The following NCOR1 variants were observed in gnomAD, a reference collection of about 807,000 sequenced individuals.
NCOR1 encodes nuclear receptor corepressor 1.
In NCOR1, 63 loss-of-function variants were observed where a neutral mutation model predicts 288.1. The observed-to-expected ratio is 0.22, with a 90% confidence interval of 0.18 to 0.27. NCOR1 has a LOEUF of 0.27. NCOR1 is among the 10% of genes least tolerant of loss of function. The pLI, the probability that NCOR1 is intolerant of heterozygous loss-of-function variation, is 1.00. For synonymous variants in NCOR1, 1,007 were observed against 1,065.9 expected, an observed-to-expected ratio of 0.94 and a Z score of 1.08; for missense variants, 2,397 against 3,019.2, an observed-to-expected ratio of 0.79 and a Z score of 4.83.
At position 16,067,777 on chromosome 17, in the gene NCOR1, T is replaced by C. The variant is rs1415502403; in HGVS notation, c.4741+117A>G. 7.0e-6 allele frequency: 7 copies of C among 1,000,088 alleles called. No individual in the cohort carries two copies. In the Admixed American group the frequency reaches 2.0e-4, roughly 29 times the overall value. 62.0% of individuals were successfully genotyped at this position (1,000,088 alleles called of 1,614,324 possible). A position where few individuals can be genotyped will look rare whatever the true frequency, so the allele number is the denominator to read the frequency against. Reference sequence around the variant, plus strand: ...GAGAATTTAGTTTGTGAAAATTCACTGAGCTGTACATTAATGATATTTGCA... The same window carrying C: ...GAGAATTTAGTTTGTGAAAATTCACCGAGCTGTACATTAATGATATTTGCA... On this transcript the variant is annotated intron_variant, in intron 32 of 45. Coordinates refer to ENST00000268712, the MANE Select transcript of NCOR1 (RefSeq NM_006311.4).
At chr17:16,072,374 G>T (rs376587059) in intron 28 of NCOR1, 146 bp from the exon 29 acceptor site, 43 of 518,260 alleles carry the variant, frequency 8.3e-5, no homozygotes, top group African/African-American at 8.0e-4. Flanking sequence ...CTATCCAGAA[G>T]TACCTAATAT....
Position 16,159,841 on chromosome 17 carries a change from C to CTT in NCOR1, c.619-970_619-969dup, listed in dbSNP as rs776625584. ...AACCTTTCTGGGTCCTTAGGTCAATCTTTTTTTTTTTTTTTGAGATGGAGT... is the reference window on the plus strand; with the variant it reads ...AACCTTTCTGGGTCCTTAGGTCAATCTTTTTTTTTTTTTTTTTGAGATGGAGT... On this transcript the variant is annotated intron_variant, in intron 5 of 45. Coordinates refer to ENST00000268712, the MANE Select transcript of NCOR1 (RefSeq NM_006311.4). Among the ~76,000 whole-genome samples the CTT allele has an allele frequency of 5.0e-3, 707 of 141,804 alleles. 7 individuals are homozygous for CTT. Among genetic ancestry groups the CTT allele is most frequent in the African/African-American group, 0.017 (657 of 38,762 alleles). The allele number at this position is 141,804 out of a possible 152,430, so 93.0% of individuals were successfully genotyped here. A position where few individuals can be genotyped will look rare whatever the true frequency, so the allele number is the denominator to read the frequency against.
intron 1 of NCOR1, among the ~76,000 whole-genome samples, chr17:16,203,056 C>T (rs1402031586): frequency 6.6e-6 from 1 of 151,732 alleles, no homozygotes; most frequent in Non-Finnish European, 1.5e-5. Flanking sequence ...CACACACACA[C>T]ACACACACAC....
intron 2 of NCOR1, among the ~76,000 whole-genome samples, chr17:16,190,106 T>C (rs2087803527): frequency 6.6e-6 from 1 of 152,144 alleles, no homozygotes; most frequent in Non-Finnish European, 1.5e-5. Flanking sequence ...GGTTCAAACC[T>C]ATAGTCCCAG....
At chr17:16,126,692 C>T (rs1300273320) in intron 14 of NCOR1, among the ~76,000 whole-genome samples, 1 of 151,986 alleles carries the variant, frequency 6.6e-6, no homozygotes, top group African/African-American at 2.4e-5. Context: ...CAGCTATGGT[C>T]GTTACTAAGA....
intron 1 of NCOR1, among the ~76,000 whole-genome samples, chr17:16,213,016 G>A (rs2092274414): frequency 6.9e-6 from 1 of 143,990 alleles, no homozygotes; most frequent in Non-Finnish European, 1.5e-5. Flanking sequence ...AGGCTGCAGC[G>A]AGCCACTGTA....
intron 1 of NCOR1, chr17:16,198,040 C>T (rs1358850494): frequency 1.3e-5 from 2 of 151,956 alleles, no homozygotes; most frequent in African/African-American, 4.8e-5. Context: ...ACACACTGTT[C>T]TGTATCTTGC....
chr17:16,122,183 T>C (rs563252031), intron 15 of NCOR1, among the ~76,000 whole-genome samples: 1 of 152,334 alleles, frequency 6.6e-6, no homozygotes, highest in East Asian at 1.9e-4. Context: ...AAGACCATTT[T>C]CTGTACTACT....
intron 28 of NCOR1, 25 bp downstream of exon 28, chr17:16,073,404 T>C (rs201608686): frequency 3.1e-5 from 47 of 1,540,438 alleles, no homozygotes; most frequent in Non-Finnish European, 4.0e-5. Flanking sequence ...TGTATCAAAA[T>C]AACATTCTGA....
chr17:16,113,261 A>T (rs918787927), intron 18 of NCOR1, among the ~76,000 whole-genome samples: 1 of 152,080 alleles, frequency 6.6e-6, no homozygotes, highest in African/African-American at 2.4e-5. Flanking sequence ...CAAAAAAAAA[A>T]AAATGACTTA....
At chr17:16,118,628 ATC>A (rs2072276492) in intron 17 of NCOR1, among the ~76,000 whole-genome samples, 1 of 152,226 alleles carries the variant, frequency 6.6e-6, no homozygotes, top group Admixed American at 6.5e-5. Context: ...AAGAATATGT[ATC>A]TATGCATTTG....
chr17:16,064,145 T>C lies in NCOR1; in HGVS notation c.5144A>G (p.Glu1715Gly). Residue 1715 changes from glutamate (E) to glycine (G), a missense_variant, in exon 35 of 46, where the codon GAA becomes GGA. By Grantham distance (98) the Glu-to-Gly change is moderately conservative. This residue lies in a region of NCOR1 where 1,872 missense variants were observed against 2,187.8 expected (regional missense o/e 0.86). Coordinates refer to ENST00000268712, the MANE Select transcript of NCOR1 (RefSeq NM_006311.4). ...HLAAAASAER[E>G]REREREKERE... ...CTCCTTCTCCCGCTCCCGTTCCCGTTCCCTCTCAGCACTTGCAGCAGCTGC... is the reference window on the plus strand; with the variant it reads ...CTCCTTCTCCCGCTCCCGTTCCCGTCCCCTCTCAGCACTTGCAGCAGCTGC... 6.2e-7 allele frequency: 1 copy of C among 1,614,138 alleles called. No individual in the cohort carries two copies. Among genetic ancestry groups the C allele is most frequent in the Admixed American group, 1.7e-5 (1 of 60,024 alleles).
At chr17:16,137,707 C>T (rs1251061317) in intron 13 of NCOR1, 1 of 236,576 alleles carries the variant, frequency 4.2e-6, no homozygotes, top group Non-Finnish European at 8.0e-6. Flanking sequence ...TGATTACATA[C>T]ATGCAAATTT....
intron 40 of NCOR1, among the ~76,000 whole-genome samples, chr17:16,050,924 C>T (rs943592180): frequency 1.3e-5 from 2 of 152,186 alleles, no homozygotes; most frequent in Non-Finnish European, 2.9e-5. Flanking sequence ...GCCTCAACTT[C>T]TGCGCTCACG....
At chr17:16,170,695 C>T (rs903644333) in intron 4 of NCOR1, among the ~76,000 whole-genome samples, 2 of 151,882 alleles carry the variant, frequency 1.3e-5, no homozygotes, top group Non-Finnish European at 2.9e-5. Context: ...ATTAGCTGGG[C>T]ATGGTGGTGC....
Position 16,127,563 on chromosome 17 carries a change from A to C in NCOR1, c.1510-1357T>G, listed in dbSNP as rs576893608. Reference sequence around the variant, plus strand: ...CATGTATATATACACATGTGTATATATGTATGTATATATACATATGTGTAT... The same window carrying C: ...CATGTATATATACACATGTGTATATCTGTATGTATATATACATATGTGTAT... On this transcript the variant is annotated intron_variant, in intron 14 of 45. Coordinates refer to ENST00000268712, the MANE Select transcript of NCOR1 (RefSeq NM_006311.4). Among the ~76,000 whole-genome samples, 59 of 138,576 alleles carry C rather than the reference A, an allele frequency of 4.3e-4. 2 individuals are homozygous for C. The highest frequency in any genetic ancestry group is 3.9e-3 in the Middle Eastern group (1 of 258). 90.9% of individuals were successfully genotyped at this position (138,576 alleles called of 152,430 possible). A position where few individuals can be genotyped will look rare whatever the true frequency, so the allele number is the denominator to read the frequency against.
intron 18 of NCOR1, among the ~76,000 whole-genome samples, chr17:16,109,467 T>C (rs918962456): frequency 2.0e-5 from 3 of 152,042 alleles, no homozygotes; most frequent in African/African-American, 7.2e-5. Context: ...TTTAACATAA[T>C]GTAGCCATGA....
At position 16,080,463 on chromosome 17, in the gene NCOR1, T is replaced by C; in HGVS notation, c.3345A>G (p.Gln1115=). Residue 1115 remains glutamine (Q), a synonymous_variant, in exon 25 of 46, where the codon CAA becomes CAG. Coordinates refer to ENST00000268712, the MANE Select transcript of NCOR1 (RefSeq NM_006311.4). ...IKQEEFSPRS[Q]NSQPEGLLVR... ...CCAACAGACCCTCAGGTTGTGAGTT[T>C]TGGCTTCGGGGAGAAAATTCTTCCT... is the stretch of plus-strand genomic sequence containing the variant. 1 of 1,614,204 alleles carries C rather than the reference T, an allele frequency of 6.2e-7. No individual in the cohort carries two copies. Among genetic ancestry groups the C allele is most frequent in the Admixed American group, 1.7e-5 (1 of 60,024 alleles).
chr17:16,181,608 G>A (rs988627170), intron 3 of NCOR1, among the ~76,000 whole-genome samples: 7 of 152,116 alleles, frequency 4.6e-5, no homozygotes, highest in African/African-American at 1.4e-4. Flanking sequence ...TTAGCTATTC[G>A]TCACCAAAAC....
Sources: allele counts gnomAD v4.1 joint callset (sites outside exome capture counted in the v4.1 genomes callset), GRCh38; gene constraint gnomAD v4.1.1; regional missense constraint gnomAD v4.1.1; transcripts MANE v1.5; gene names NCBI Gene and HGNC (gene_info 2026-07-23, HGNC 2026-07-21).